The following CDKN2B-AS1 variants were observed in gnomAD, a reference collection of about 807,000 sequenced individuals.
The protein encoded by CDKN2B-AS1 is CDKN2B antisense RNA 1 (non-protein coding).
At chr9:22,126,655 C>A (rs1419683479) in intron 4 of CDKN2B-AS1, among the ~76,000 whole-genome samples, 1 of 136,414 alleles carries the variant, frequency 7.3e-6, no homozygotes, top group African/African-American at 2.7e-5. Context: ...TCACTGCAAA[C>A]TCCGCCTCCG....
At chr9:22,043,686 C>A (rs1822994922) in intron 1 of CDKN2B-AS1, among the ~76,000 whole-genome samples, 1 of 151,928 alleles carries the variant, frequency 6.6e-6, no homozygotes, top group African/African-American at 2.4e-5. Flanking sequence ...CACATACCAC[C>A]TATACTATTA....
Position 22,076,301 on chromosome 9 carries a change from G to T in CDKN2B-AS1, n.438+19914G>T, listed in dbSNP as rs888747028. Among the ~76,000 whole-genome samples, 7 of 152,004 alleles carry T rather than the reference G, an allele frequency of 4.6e-5. No homozygotes were observed. In the South Asian group the frequency reaches 8.3e-4, roughly 18 times the overall value. ...ACTCCTGACCTCAGGTGATCCACCCGCCTGGGCCTCCCAAAGTGTGGGATT... is the reference window on the plus strand; with the variant it reads ...ACTCCTGACCTCAGGTGATCCACCCTCCTGGGCCTCCCAAAGTGTGGGATT... On this transcript the variant is annotated intron_variant and non_coding_transcript_variant, in intron 4 of 4. Coordinates refer to ENST00000650946, the Ensembl canonical transcript of CDKN2B-AS1.
At chr9:22,009,529 C>T (rs1821393828) in intron 1 of CDKN2B-AS1, among the ~76,000 whole-genome samples, 1 of 152,248 alleles carries the variant, frequency 6.6e-6, no homozygotes, top group Non-Finnish European at 1.5e-5. Flanking sequence ...CGCTGGATGT[C>T]CAGTAAAGCC....
Position 21,999,705 on chromosome 9 carries a change from G to A in CDKN2B-AS1, n.29+4544G>A, listed in dbSNP as rs1472398441. ...AACAAAGTGCAAGAAAGAGAAAAATGATTGACATGCTTGTGAGGAGACTTT... is the reference window on the plus strand; with the variant it reads ...AACAAAGTGCAAGAAAGAGAAAAATAATTGACATGCTTGTGAGGAGACTTT... On this transcript the variant is annotated intron_variant and non_coding_transcript_variant, in intron 1 of 4. Transcript: ENST00000650946. The surrounding 1 kb of genome is among the most constrained non-coding windows in gnomAD (Gnocchi z 4.7). 6.6e-6 allele frequency among the ~76,000 whole-genome samples: 1 copy of A among 152,122 alleles called. No homozygotes were observed. Among genetic ancestry groups the A allele is most frequent in the Non-Finnish European group, 1.5e-5 (1 of 67,998 alleles).
At chr9:22,097,668 A>G (rs1825330347) in intron 4 of CDKN2B-AS1, among the ~76,000 whole-genome samples, 1 of 152,206 alleles carries the variant, frequency 6.6e-6, no homozygotes, top group Non-Finnish European at 1.5e-5. Context: ...TCTAAGAATA[A>G]TATTGTCCTT....
intron 4 of CDKN2B-AS1, among the ~76,000 whole-genome samples, chr9:22,075,231 C>G (rs539250560): frequency 1.6e-4 from 25 of 152,188 alleles, no homozygotes; most frequent in African/African-American, 6.0e-4. Flanking sequence ...CTGCCTATCC[C>G]CAGGCCAGTT....
chr9:22,092,789 A>T (rs1563976638), intron 4 of CDKN2B-AS1, among the ~76,000 whole-genome samples: 2 of 151,824 alleles, frequency 1.3e-5, no homozygotes. Context: ...GGATTCATTG[A>T]TTTTTTTGGA....
chr9:22,110,562 C>T (rs895648201), intron 4 of CDKN2B-AS1, among the ~76,000 whole-genome samples: 1 of 152,146 alleles, frequency 6.6e-6, no homozygotes, highest in African/African-American at 2.4e-5. Context: ...ATATGCTACA[C>T]ACTGTCACTA....
At chr9:22,012,143 G>A in intron 1 of CDKN2B-AS1, 1 of 1,193,258 alleles carries the variant, frequency 8.4e-7, no homozygotes, top group Non-Finnish European at 1.2e-6. Context: ...CAGCCGAGCT[G>A]CAGACACAGA....
At chr9:22,073,220 A>T (rs1824367091) in intron 4 of CDKN2B-AS1, among the ~76,000 whole-genome samples, 1 of 152,212 alleles carries the variant, frequency 6.6e-6, no homozygotes, top group African/African-American at 2.4e-5. Context: ...TACTCTTGAA[A>T]ATAGATGGCT....
At chr9:22,063,773 C>T (rs879779579) in intron 4 of CDKN2B-AS1, among the ~76,000 whole-genome samples, 3 of 152,140 alleles carry the variant, frequency 2.0e-5, no homozygotes, top group Non-Finnish European at 4.4e-5. Context: ...GACCCCGGAG[C>T]TGGAGGACTC....
chr9:22,035,746 G>T (rs1822660782), intron 1 of CDKN2B-AS1, among the ~76,000 whole-genome samples: 1 of 152,134 alleles, frequency 6.6e-6, no homozygotes, highest in Non-Finnish European at 1.5e-5. Context: ...TCTTTCTGTG[G>T]TGTTTCCAGA....
At chr9:22,115,613 T>C (rs1240250770) in intron 4 of CDKN2B-AS1, among the ~76,000 whole-genome samples, 1 of 152,064 alleles carries the variant, frequency 6.6e-6, no homozygotes, top group East Asian at 1.9e-4. Flanking sequence ...CCAGAGTGTT[T>C]CCTCTCTTGG....
chr9:22,074,160 G>A (rs961711117), intron 4 of CDKN2B-AS1, among the ~76,000 whole-genome samples: 2 of 152,110 alleles, frequency 1.3e-5, no homozygotes, highest in African/African-American at 4.8e-5. Context: ...ACTGTGCTTG[G>A]CACCTAGAGG....
chr9:22,085,578 A>G (rs946322358), intron 4 of CDKN2B-AS1, among the ~76,000 whole-genome samples: 1 of 152,026 alleles, frequency 6.6e-6, no homozygotes, highest in Non-Finnish European at 1.5e-5. Flanking sequence ...AAAATTAGCC[A>G]GGTGTGGTGG....
chr9:22,026,536 C>T (rs1251649682), intron 1 of CDKN2B-AS1, among the ~76,000 whole-genome samples: 3 of 152,204 alleles, frequency 2.0e-5, no homozygotes, highest in Non-Finnish European at 2.9e-5. Flanking sequence ...CAGGGAGGCA[C>T]AATGTTGCTA....
chr9:22,104,671 C>T (rs1825598861), intron 4 of CDKN2B-AS1, among the ~76,000 whole-genome samples: 1 of 152,190 alleles, frequency 6.6e-6, no homozygotes, highest in Admixed American at 6.5e-5. Context: ...TTCATTTATT[C>T]ATCCATTTAC....
chr9:22,059,643 C>T (rs1054285999), intron 4 of CDKN2B-AS1, among the ~76,000 whole-genome samples: 1 of 152,250 alleles, frequency 6.6e-6, no homozygotes, highest in Non-Finnish European at 1.5e-5. Flanking sequence ...CACAGCTCCA[C>T]TAGGCAGTGC....
At chr9:22,046,546 T>C (rs143509002) in intron 1 of CDKN2B-AS1, 1 of 152,324 alleles carries the variant, frequency 6.6e-6, no homozygotes, top group Non-Finnish European at 1.5e-5. Flanking sequence ...CATTGGCATC[T>C]GTACTAGAAT....
Sources: gnomAD v4.1 joint callset for allele counts (sites outside exome capture counted in the v4.1 genomes callset) on GRCh38, gnomAD v4.1.1 for gene constraint, Gnocchi (gnomAD v3.1) non-coding constraint, MANE v1.5 for transcripts, NCBI Gene and HGNC (gene_info 2026-07-23, HGNC 2026-07-21) for gene names.